Variants in GRM5 observed in about 807,000 individuals in gnomAD.
GRM5 encodes glutamate metabotropic receptor 5.
Under a neutral mutation model 83.1 loss-of-function variants are expected in GRM5, and 19 were observed. The ratio of observed to expected loss-of-function variants is 0.23; its 90% CI spans 0.16 to 0.34. GRM5 has a LOEUF of 0.34. GRM5 is among the 10% of genes least tolerant of loss of function. The probability of loss-of-function intolerance (pLI) is 1.00; values close to 1 mark genes in which losing one functional copy is unlikely to be tolerated. For missense variants in GRM5, 1,160 were observed against 1,588.3 expected (o/e 0.73, Z 4.58); for synonymous variants, 675 against 633.6 (o/e 1.07, Z -0.98).
At chr11:88,876,537 A>G (rs1021549943) in intron 2 of GRM5, among the ~76,000 whole-genome samples, 15 of 152,126 alleles carry the variant, frequency 9.9e-5, no homozygotes, top group Non-Finnish European at 1.5e-5. Context: ...AAGTGGCACA[A>G]AAGGCCTAGA....
intron 2 of GRM5, among the ~76,000 whole-genome samples, chr11:88,973,480 C>T (rs1939230245): frequency 6.6e-6 from 1 of 151,986 alleles, no homozygotes; most frequent in African/African-American, 2.4e-5. Context: ...TTAATCCAGA[C>T]AGAAGAGGAA....
At chr11:89,039,374 C>G (rs1314296435) in intron 2 of GRM5, among the ~76,000 whole-genome samples, 2 of 151,870 alleles carry the variant, frequency 1.3e-5, no homozygotes, top group Non-Finnish European at 2.9e-5. Flanking sequence ...ATCAGAAGAA[C>G]AAATAGTCCA....
intron 6 of GRM5, among the ~76,000 whole-genome samples, chr11:88,592,461 A>C (rs1272801617): frequency 6.6e-6 from 1 of 152,224 alleles, no homozygotes; most frequent in Non-Finnish European, 1.5e-5. Flanking sequence ...GCAAACAGGC[A>C]TATTGCAAAG....
intron 4 of GRM5, among the ~76,000 whole-genome samples, chr11:88,648,105 A>C (rs1282657483): frequency 7.2e-5 from 11 of 152,196 alleles, no homozygotes; most frequent in African/African-American, 2.4e-4. Context: ...GCGATTCCTC[A>C]GGGATCTAGA....
intron 2 of GRM5, among the ~76,000 whole-genome samples, chr11:88,909,854 C>T (rs1308213892): frequency 2.6e-5 from 4 of 152,020 alleles, no homozygotes; most frequent in South Asian, 2.1e-4. Context: ...GGGACAAATA[C>T]GATTTTTCCT....
intron 3 of GRM5, among the ~76,000 whole-genome samples, chr11:88,690,830 A>G (rs779788517): frequency 3.9e-5 from 6 of 152,234 alleles, no homozygotes; most frequent in Non-Finnish European, 7.3e-5. Flanking sequence ...GAGAATTAAA[A>G]GGAAATTCTA....
At chr11:88,767,339 G>T (rs1401319348) in intron 3 of GRM5, among the ~76,000 whole-genome samples, 1 of 151,854 alleles carries the variant, frequency 6.6e-6, no homozygotes, top group Admixed American at 6.6e-5. Context: ...ATCCTCAAAA[G>T]AATGTAAATT....
At chr11:88,536,635 C>T (rs1397148527) in intron 8 of GRM5, among the ~76,000 whole-genome samples, 1 of 152,114 alleles carries the variant, frequency 6.6e-6, no homozygotes, top group Non-Finnish European at 1.5e-5. Context: ...CAGCCAAGAC[C>T]TCAGCTTTTC....
intron 4 of GRM5, among the ~76,000 whole-genome samples, chr11:88,623,442 T>C (rs1304603283): frequency 1.3e-5 from 2 of 152,194 alleles, no homozygotes; most frequent in Non-Finnish European, 2.9e-5. Context: ...AGACCACTTA[T>C]ATTGTCCTCA....
chr11:88,823,565 C>G (rs1943839706), intron 3 of GRM5, among the ~76,000 whole-genome samples: 3 of 151,572 alleles, frequency 2.0e-5, no homozygotes, highest in Non-Finnish European at 2.9e-5. Context: ...GTGAGTGGGA[C>G]CTGTCTATTG....
chr11:88,986,993 TC>T (rs1439848673), intron 2 of GRM5, among the ~76,000 whole-genome samples: 2 of 151,502 alleles, frequency 1.3e-5, no homozygotes, highest in African/African-American at 2.4e-5. Flanking sequence ...GATCATCCTA[TC>T]GGGGGAAGGA....
intron 3 of GRM5, among the ~76,000 whole-genome samples, chr11:88,842,950 T>C (rs1944229936): frequency 6.6e-6 from 1 of 152,210 alleles, no homozygotes; most frequent in South Asian, 2.1e-4. Flanking sequence ...TATCTGACAT[T>C]TCCCAAAGAC....
chr11:89,030,434 G>A (rs1264278798), intron 2 of GRM5, among the ~76,000 whole-genome samples: 3 of 152,020 alleles, frequency 2.0e-5, no homozygotes, highest in Non-Finnish European at 4.4e-5. Context: ...ACAATCATAA[G>A]GCCATGTGAG....
At chr11:88,982,715 A>G (rs1939568311) in intron 2 of GRM5, among the ~76,000 whole-genome samples, 1 of 152,210 alleles carries the variant, frequency 6.6e-6, no homozygotes, top group African/African-American at 2.4e-5. Context: ...AATACAAATT[A>G]TAGAGGAATA....
intron 4 of GRM5, among the ~76,000 whole-genome samples, chr11:88,607,151 C>G (rs1420916625): frequency 2.0e-5 from 3 of 152,024 alleles, no homozygotes; most frequent in Non-Finnish European, 4.4e-5. Context: ...AATCCTGCTT[C>G]CATCTCAGGA....
intron 2 of GRM5, among the ~76,000 whole-genome samples, chr11:88,895,107 TAA>T (rs1357180514): frequency 6.6e-6 from 1 of 151,936 alleles, no homozygotes; most frequent in Non-Finnish European, 1.5e-5. Context: ...AGCAGACTGA[TAA>T]ATTGAGATAT....
At chr11:89,034,470 A>T (rs965585561) in intron 2 of GRM5, among the ~76,000 whole-genome samples, 5 of 151,806 alleles carry the variant, frequency 3.3e-5, no homozygotes, top group African/African-American at 1.2e-4. Context: ...ACATATGAAC[A>T]TATTCTTTCT....
chr11:89,015,840 G>C (rs1482633607), intron 2 of GRM5, among the ~76,000 whole-genome samples: 1 of 152,136 alleles, frequency 6.6e-6, no homozygotes, highest in Non-Finnish European at 1.5e-5. Flanking sequence ...GCACCTGGCT[G>C]TTCTCACCTT....
intron 3 of GRM5, among the ~76,000 whole-genome samples, chr11:88,780,059 A>T (rs1344651464): frequency 6.6e-6 from 1 of 151,996 alleles, no homozygotes; most frequent in Admixed American, 6.6e-5. Flanking sequence ...TCAGATCTCA[A>T]CTCTTCTGCA....
Sources: gnomAD v4.1 joint callset for allele counts (sites outside exome capture counted in the v4.1 genomes callset) on GRCh38, gnomAD v4.1.1 for gene constraint, MANE v1.5 for transcripts, NCBI Gene and HGNC (gene_info 2026-07-23, HGNC 2026-07-21) for gene names.